The following LHFPL6 variants were observed in gnomAD, a reference collection of about 807,000 sequenced individuals.
The protein encoded by LHFPL6 is LHFPL tetraspan subfamily member 6, also known as LHFPL tetraspan subfamily member 6 protein.
A neutral mutation model predicts 20.6 loss-of-function variants in LHFPL6; 9 were observed. The observed-to-expected ratio is 0.44, with a 90% CI of 0.26 to 0.76. The LOEUF (loss-of-function observed/expected upper bound fraction) is 0.76. LHFPL6 is among the 30% of genes least tolerant of loss of function. LHFPL6 has a pLI of 0.20. For synonymous variants in LHFPL6, 105 were observed against 98.7 expected (o/e 1.06, Z -0.38); for missense variants, 218 against 253.5 (o/e 0.86, Z 0.95).
intron 2 of LHFPL6, among the ~76,000 whole-genome samples, chr13:39,402,520 G>A (rs1193949646): frequency 6.6e-6 from 1 of 152,220 alleles, no homozygotes; most frequent in East Asian, 1.9e-4. Context: ...ATGAGCCACT[G>A]TGCCTGGCCC....
At chr13:39,489,658 G>A (rs1361210497) in intron 2 of LHFPL6, among the ~76,000 whole-genome samples, 2 of 151,742 alleles carry the variant, frequency 1.3e-5, no homozygotes, top group Non-Finnish European at 2.9e-5. Flanking sequence ...AGGCTCAAGG[G>A]ATCCTCACCT....
At chr13:39,492,047 C>A (rs200930012) in intron 2 of LHFPL6, among the ~76,000 whole-genome samples, 1 of 152,204 alleles carries the variant, frequency 6.6e-6, no homozygotes, top group African/African-American at 2.4e-5. Context: ...CAGATGGGAA[C>A]GGTTTTCATT....
intron 2 of LHFPL6, among the ~76,000 whole-genome samples, chr13:39,553,878 C>T (rs1399158426): frequency 6.6e-6 from 1 of 152,214 alleles, no homozygotes; most frequent in African/African-American, 2.4e-5. Context: ...ATTTCCCTGC[C>T]GATGGCAGAC....
At chr13:39,466,706 C>T (rs573014931) in intron 2 of LHFPL6, among the ~76,000 whole-genome samples, 63 of 152,110 alleles carry the variant, frequency 4.1e-4, no homozygotes, top group Non-Finnish European at 7.5e-4. Context: ...CATTCTCATC[C>T]CCATATACAA....
intron 2 of LHFPL6, among the ~76,000 whole-genome samples, chr13:39,420,737 T>C (rs1163818796): frequency 1.3e-5 from 2 of 152,200 alleles, no homozygotes; most frequent in African/African-American, 4.8e-5. Flanking sequence ...TTGAGGGATA[T>C]GAATTTGGTG....
At position 39,343,500 on chromosome 13, in the gene LHFPL6, C is replaced by T. The variant is rs1869303202; in HGVS notation, c.*436G>A. 1 of 232,072 alleles carries T rather than the reference C, an allele frequency of 4.3e-6. No homozygotes were observed. Among genetic ancestry groups the T allele is most frequent in the Non-Finnish European group, 8.5e-6 (1 of 117,358 alleles). 14.4% of individuals were successfully genotyped at this position (232,072 alleles called of 1,614,324 possible). On this transcript the variant is annotated 3_prime_UTR_variant, in exon 4 of 4. Transcript: ENST00000379589. ...AGGGAACATCTTTGGGGGTACCCTG[C>T]TTCCCAACATAACACTGTTTCTACT...
chr13:39,546,396 C>A lies in LHFPL6; in HGVS notation c.385+54436G>T, dbSNP rs79503023. Among the ~76,000 whole-genome samples the A allele has an allele frequency of 2.9e-3, 434 of 152,248 alleles. 3 individuals are homozygous for A. The highest frequency in any genetic ancestry group is 5.2e-3 in the Non-Finnish European group (353 of 68,024). Reference sequence around the variant, plus strand: ...GTTTTAGGGCATGAGAATCTACTTTCTTAAATAAACACTCTAGCAGATTCC... The same window carrying A: ...GTTTTAGGGCATGAGAATCTACTTTATTAAATAAACACTCTAGCAGATTCC... On this transcript the variant is annotated intron_variant, in intron 2 of 3. Coordinates refer to ENST00000379589, the MANE Select transcript of LHFPL6 (RefSeq NM_005780.3).
At chr13:39,521,186 G>C (rs746960345) in intron 2 of LHFPL6, among the ~76,000 whole-genome samples, 1 of 151,948 alleles carries the variant, frequency 6.6e-6, no homozygotes, top group East Asian at 1.9e-4. Context: ...ATCAGAAATG[G>C]AGATAAAGGC....
intron 2 of LHFPL6, among the ~76,000 whole-genome samples, chr13:39,546,353 C>T (rs1164119794): frequency 6.6e-6 from 1 of 152,124 alleles, no homozygotes; most frequent in Non-Finnish European, 1.5e-5. Flanking sequence ...GCAATGCCTA[C>T]AAATTGGAAC....
chr13:39,409,773 A>C (rs1188488392), intron 2 of LHFPL6, among the ~76,000 whole-genome samples: 1 of 152,244 alleles, frequency 6.6e-6, no homozygotes, highest in Non-Finnish European at 1.5e-5. Context: ...GGGAAGATAT[A>C]ATGTGAGACA....
At chr13:39,443,715 G>C (rs1345002452) in intron 2 of LHFPL6, among the ~76,000 whole-genome samples, 2 of 151,786 alleles carry the variant, frequency 1.3e-5, no homozygotes, top group East Asian at 3.9e-4. Context: ...AGATATAGAT[G>C]GTCCCCAACT....
chr13:39,393,659 T>A (rs1325727968), intron 2 of LHFPL6, among the ~76,000 whole-genome samples: 1 of 152,196 alleles, frequency 6.6e-6, no homozygotes, highest in African/African-American at 2.4e-5. Flanking sequence ...GAAGTTGGCC[T>A]TTACGTAGTA....
At position 39,346,404 on chromosome 13, in the gene LHFPL6, T is replaced by G. The variant is rs570290863; in HGVS notation, c.485-2350A>C. On this transcript the variant is annotated intron_variant, in intron 3 of 3. Coordinates refer to ENST00000379589, the MANE Select transcript of LHFPL6 (RefSeq NM_005780.3). ...CAAATGTGTATTGATTACCATTTTC[T>G]CAAAATTGTCATGGAGCTTTACATG... Among the ~76,000 whole-genome samples the G allele has an allele frequency of 5.6e-4, 86 of 152,330 alleles. 2 individuals carry two copies. The South Asian group carries it at 0.017, about 30-fold the overall frequency.
At chr13:39,393,681 C>T (rs1468123631) in intron 2 of LHFPL6, among the ~76,000 whole-genome samples, 1 of 152,164 alleles carries the variant, frequency 6.6e-6, no homozygotes, top group Non-Finnish European at 1.5e-5. Flanking sequence ...CCAAAAGGAA[C>T]CTGTAATGTT....
intron 3 of LHFPL6, among the ~76,000 whole-genome samples, chr13:39,366,823 A>G (rs1165070805): frequency 6.6e-6 from 1 of 152,188 alleles, no homozygotes; most frequent in Admixed American, 6.5e-5. Flanking sequence ...GAGGAACCCA[A>G]ACTAAGGGAA....
rs574028663 is a variant in LHFPL6, at chr13:39,574,281, G to C, written c.385+26551C>G. Among the ~76,000 whole-genome samples, 64 of 152,194 alleles carry C rather than the reference G, an allele frequency of 4.2e-4. 1 individual carries two copies. In the South Asian group the frequency reaches 0.012, roughly 29 times the overall value. On this transcript the variant is annotated intron_variant, in intron 2 of 3. Transcript: ENST00000379589. The stretch of plus-strand genomic sequence containing the variant: ...GCGGATCACAAGGTCAGGAGAACAA[G>C]ATCATCCTGGCTAACATGGTGAAAC...
intron 2 of LHFPL6, among the ~76,000 whole-genome samples, chr13:39,481,357 G>T (rs1593329723): frequency 1.3e-5 from 2 of 152,108 alleles, no homozygotes; most frequent in East Asian, 3.8e-4. Context: ...AACAGACAAG[G>T]TTGCCACTTT....
chr13:39,349,164 C>CA (rs1285477418), intron 3 of LHFPL6, among the ~76,000 whole-genome samples: 13 of 152,218 alleles, frequency 8.5e-5, no homozygotes, highest in Non-Finnish European at 1.6e-4. Flanking sequence ...TCATTTAAGA[C>CA]ATGAAGGCTT....
At chr13:39,538,052 G>A (rs9532394) in intron 2 of LHFPL6, among the ~76,000 whole-genome samples, 109,769 of 148,192 alleles carry the variant, frequency 0.74, 42,140 homozygotes, top group Non-Finnish European at 0.84. Flanking sequence ...GTGCAGTGGC[G>A]GGATCTCAGC....
Sources: gnomAD v4.1 joint callset for allele counts (sites outside exome capture counted in the v4.1 genomes callset) on GRCh38, gnomAD v4.1.1 for gene constraint, MANE v1.5 for transcripts, NCBI Gene and HGNC (gene_info 2026-07-23, HGNC 2026-07-21) for gene names.